Variants in RCE1 observed in about 807,000 individuals in gnomAD.
The protein encoded by RCE1 is Ras converting CAAX endopeptidase 1.
Under a neutral mutation model 35.0 loss-of-function variants are expected in RCE1, and 15 were observed. That is an observed-to-expected ratio of 0.43 (90% CI 0.29 to 0.66). The LOEUF (loss-of-function observed/expected upper bound fraction) is 0.66, where lower values mean the gene tolerates loss of function less well. Ranked by LOEUF, RCE1 falls within the 30% of genes least tolerant of loss-of-function variation. RCE1 has a pLI of 0.17. For missense variants in RCE1, 434 were observed against 433.0 expected (o/e 1.00, Z -0.02); for synonymous variants, 261 against 192.7 (o/e 1.35, Z -2.94).
In RCE1 at chr11:66,846,517, A is replaced by T. The variant is rs1945213459; in HGVS notation, c.*422A>T. The T allele has an allele frequency of 6.4e-6, 1 of 156,232 alleles. No individual in the cohort carries two copies. Among genetic ancestry groups the T allele is most frequent in the African/African-American group, 2.5e-5 (1 of 39,384 alleles). The allele number at this position is 156,232 out of a possible 1,614,324, so 9.7% of individuals were successfully genotyped here. A position where few individuals can be genotyped will look rare whatever the true frequency, so the allele number is the denominator to read the frequency against. On this transcript the variant is annotated 3_prime_UTR_variant, in exon 8 of 8. Coordinates refer to ENST00000309657, the MANE Select transcript of RCE1 (RefSeq NM_005133.3). The stretch of plus-strand genomic sequence containing the variant: ...TGTATTGGGATATTAAAGAGATTTA[A>T]CTTGGGTAACATGGCCTTGGGCCTT...
chr11:66,844,332 G>C lies in RCE1; in HGVS notation c.419G>C (p.Cys140Ser), dbSNP rs1262970523. The C allele has an allele frequency of 6.2e-7, 1 of 1,614,166 alleles. No homozygotes were observed. The highest frequency in any genetic ancestry group is 8.5e-7 in the Non-Finnish European group (1 of 1,180,024). The change falls in exon 4 of 8, where the codon TGT (cysteine) becomes TCT (serine). Residue 140 changes from cysteine to serine, a missense_variant. Cys to Ser is a moderately radical substitution (Grantham distance 112, BLOSUM62 -1). Coordinates refer to ENST00000309657, the MANE Select transcript of RCE1 (RefSeq NM_005133.3). ...PLMQLSMDCP[C>S]DLADGLKVVL... is the part of the protein sequence containing the mutation. ...ATGCAGCTCTCTATGGATTGCCCTT[G>C]TGACCTGGCAGATGGGCTGAAGGTT...
At position 66,844,860 on chromosome 11, in the gene RCE1, C is replaced by T; in HGVS notation, c.452-9C>T. On this transcript the variant is annotated splice_polypyrimidine_tract_variant and intron_variant, in intron 4 of 7. Transcript: ENST00000309657. ...GTCACTCACAGCTTGTCCTGAATTC[C>T]CTCTGCAGCCCCCCGCTCCTGGGCC... 3.3e-6 allele frequency: 5 copies of T among 1,520,416 alleles called. No individual in the cohort carries two copies. The highest frequency in any genetic ancestry group is 2.6e-5 in the South Asian group (2 of 75,494). 94.2% of individuals were successfully genotyped at this position (1,520,416 alleles called of 1,614,324 possible). A position where few individuals can be genotyped will look rare whatever the true frequency, so the allele number is the denominator to read the frequency against.
chr11:66,844,886 C>CT lies in RCE1; in HGVS notation c.469_470insT (p.Arg157LeufsTer58). 1.3e-6 allele frequency: 2 copies of CT among 1,549,768 alleles called. No homozygotes were observed. Among genetic ancestry groups the CT allele is most frequent in the Non-Finnish European group, 8.7e-7 (1 of 1,149,568 alleles). ...CTCTGCAGCCCCCCGCTCCTGGGCC[C>CT]GCTGCCTCACAGACATGCGTTGGCT... On this transcript the variant is annotated frameshift_variant, in exon 5 of 8. Coordinates refer to ENST00000309657, the MANE Select transcript of RCE1 (RefSeq NM_005133.3). LOFTEE classifies it high-confidence loss of function.
intron 6 of RCE1, 55 bp downstream of exon 6, chr11:66,845,292 C>T: frequency 6.2e-7 from 1 of 1,611,810 alleles, no homozygotes; most frequent in Admixed American, 1.7e-5. Context: ...CGCTAATGGC[C>T]ACTCTGGAGA....
At position 66,843,812 on chromosome 11, in the gene RCE1, G is replaced by T; in HGVS notation, c.239G>T (p.Ser80Ile). Reference sequence around the variant, plus strand: ...TTCACCAGCGTCCTGGTGGTGTCCAGTCTCTCACCCCTGTGCGTGCTGCTC... The same window carrying T: ...TTCACCAGCGTCCTGGTGGTGTCCATTCTCTCACCCCTGTGCGTGCTGCTC... ...RRFTSVLVVSSLSPLCVLLWR... is the reference protein window; with the variant it reads ...RRFTSVLVVSILSPLCVLLWR... The change falls in exon 2 of 8, where the codon AGT (serine) becomes ATT (isoleucine). Residue 80 changes from serine to isoleucine, a missense_variant. Physicochemically the swap from Ser to Ile is moderately radical, Grantham distance 142 (BLOSUM62 -2). Transcript: ENST00000309657. 5 of 1,614,070 alleles carry T rather than the reference G, an allele frequency of 3.1e-6. No individual in the cohort carries two copies. The highest frequency in any genetic ancestry group is 4.2e-6 in the Non-Finnish European group (5 of 1,180,028).
chr11:66,845,513 C>T lies in RCE1; in HGVS notation c.705C>T (p.Ser235=), dbSNP rs775191285. 2.5e-6 allele frequency: 4 copies of T among 1,614,080 alleles called. No individual in the cohort carries two copies. The highest frequency in any genetic ancestry group is 1.3e-5 in the African/African-American group (1 of 74,930). The change falls in exon 7 of 8, where the codon TCC becomes TCT. Residue 235 remains serine (S), a synonymous_variant. Coordinates refer to ENST00000309657, the MANE Select transcript of RCE1 (RefSeq NM_005133.3). ...NIFLSAAFQF[S]YTAVFGAYTA... The stretch of plus-strand genomic sequence containing the variant: ...CCCCGTCTCCAGCGTTCCAGTTCTC[C>T]TACACAGCTGTCTTCGGTGCCTACA...
In RCE1 at chr11:66,843,852, A is replaced by G. The variant is rs1344656187; in HGVS notation, c.279A>G (p.Thr93=). 8 of 1,613,918 alleles carry G rather than the reference A, an allele frequency of 5.0e-6. No homozygotes were observed. The Admixed American group carries it at 5.0e-5, about 10-fold the overall frequency. Residue 93 remains threonine, a synonymous_variant, in exon 2 of 8, where the codon ACA becomes ACG. Transcript: ENST00000309657. The part of the protein sequence containing the change: ...PLCVLLWREL[T]GIQPGTSLLT... Reference sequence around the variant, plus strand: ...GCGTGCTGCTCTGGAGGGAACTCACAGGCATCCAGGTGCGAAGGAGGCGGG... The same window carrying G: ...GCGTGCTGCTCTGGAGGGAACTCACGGGCATCCAGGTGCGAAGGAGGCGGG...
At position 66,846,346 on chromosome 11, in the gene RCE1, C is replaced by T. The variant is rs1945210103; in HGVS notation, c.*251C>T. 2 of 453,008 alleles carry T rather than the reference C, an allele frequency of 4.4e-6. No individual in the cohort carries two copies. Among genetic ancestry groups the T allele is most frequent in the Non-Finnish European group, 3.9e-6 (1 of 257,326 alleles). 28.1% of individuals were successfully genotyped at this position (453,008 alleles called of 1,614,324 possible). ...CAAGGGGCAGGTCCCAGGAGCCACA[C>T]ACTCCCTTCCTCACTTTGGACTGCT... On this transcript the variant is annotated 3_prime_UTR_variant, in exon 8 of 8. Coordinates refer to ENST00000309657, the MANE Select transcript of RCE1 (RefSeq NM_005133.3).
At chr11:66,844,756 G>A in intron 4 of RCE1, 113 bp from the exon 5 acceptor site, 1 of 1,391,398 alleles carries the variant, frequency 7.2e-7, no homozygotes, top group Non-Finnish European at 9.4e-7. Flanking sequence ...CAGTATTGAT[G>A]CCTAACCTGA....
At position 66,844,289 on chromosome 11, in the gene RCE1, C is replaced by A; in HGVS notation, c.376C>A (p.Leu126Ile). The change falls in exon 4 of 8, where the codon CTT becomes ATT. Residue 126 changes from leucine (L) to isoleucine (I), a missense_variant. Physicochemically the swap from Leu to Ile is conservative, Grantham distance 5 (BLOSUM62 2). Coordinates refer to ENST00000309657, the MANE Select transcript of RCE1 (RefSeq NM_005133.3). Reference protein sequence around the residue: ...ALLPLLLTMILFLGPLMQLSM... With the variant: ...ALLPLLLTMIIFLGPLMQLSM... Reference sequence around the variant, plus strand: ...GAAAGTGTTTTCTTGCCCTCAGATTCTTTTCCTGGGCCCACTGATGCAGCT... The same window carrying A: ...GAAAGTGTTTTCTTGCCCTCAGATTATTTTCCTGGGCCCACTGATGCAGCT... 1 of 1,614,180 alleles carries A rather than the reference C, an allele frequency of 6.2e-7. No individual in the cohort carries two copies. The highest frequency in any genetic ancestry group is 8.5e-7 in the Non-Finnish European group (1 of 1,180,026).
intron 3 of RCE1, 121 bp downstream of exon 3, chr11:66,844,160 G>A: frequency 6.3e-7 from 1 of 1,588,174 alleles, no homozygotes; most frequent in Non-Finnish European, 8.6e-7. Context: ...TGGCCCCAGG[G>A]TCCTCCGGTA....
In RCE1 at chr11:66,844,871, C is replaced by G; in HGVS notation, c.454C>G (p.Pro152Ala). Residue 152 changes from proline (P) to alanine (A), a missense_variant and splice_region_variant, in exon 5 of 8, where the codon CCC becomes GCC. Physicochemically the swap from Pro to Ala is conservative, Grantham distance 27. Transcript: ENST00000309657. ...LADGLKVVLAPRSWARCLTDM... is the reference protein window; with the variant it reads ...LADGLKVVLAARSWARCLTDM... ...CTTGTCCTGAATTCCCTCTGCAGCC[C>G]CCCGCTCCTGGGCCCGCTGCCTCAC... The G allele has an allele frequency of 6.5e-7, 1 of 1,532,756 alleles. No homozygotes were observed. Among genetic ancestry groups the G allele is most frequent in the Non-Finnish European group, 8.8e-7 (1 of 1,141,008 alleles). 94.9% of individuals were successfully genotyped at this position (1,532,756 alleles called of 1,614,324 possible).
rs1282997147 is a variant in RCE1, at chr11:66,846,407, CG to C, written c.*316del. On this transcript the variant is annotated 3_prime_UTR_variant, in exon 8 of 8. Coordinates refer to ENST00000309657, the MANE Select transcript of RCE1 (RefSeq NM_005133.3). ...GCTCCTCTGCCTCTGAAAAGCTGCT[CG>C]GGGTTTTTTATTTATAAAACCTCTC... The C allele has an allele frequency of 1.1e-5, 3 of 266,580 alleles. No individual in the cohort carries two copies. The Admixed American group carries it at 1.5e-4, about 13-fold the overall frequency. The allele number at this position is 266,580 out of a possible 1,614,324, so 16.5% of individuals were successfully genotyped here.
In RCE1 at chr11:66,846,042, C is replaced by CT; in HGVS notation, c.940dup (p.Cys314LeufsTer55). 1 of 1,613,732 alleles carries CT rather than the reference C, an allele frequency of 6.2e-7. No individual in the cohort carries two copies. ...CCCCAAGCTCTACGGCAGCCTTCCCCTTTGTGTGCTTTTGGAGCGGGCAGG... is the reference window on the plus strand; with the variant it reads ...CCCCAAGCTCTACGGCAGCCTTCCCCTTTTGTGTGCTTTTGGAGCGGGCAGG... On this transcript the variant is annotated frameshift_variant, in exon 8 of 8. Coordinates refer to ENST00000309657, the MANE Select transcript of RCE1 (RefSeq NM_005133.3). LOFTEE classifies it high-confidence loss of function.
Position 66,846,037 on chromosome 11 carries a change from T to C in RCE1, c.932T>C (p.Leu311Pro), listed in dbSNP as rs1591103156. The C allele has an allele frequency of 1.9e-6, 3 of 1,613,744 alleles. No homozygotes were observed. The highest frequency in any genetic ancestry group is 1.7e-6 in the Non-Finnish European group (2 of 1,179,996). Reference sequence around the variant, plus strand: ...ACGGACCCCAAGCTCTACGGCAGCCTTCCCCTTTGTGTGCTTTTGGAGCGG... The same window carrying C: ...ACGGACCCCAAGCTCTACGGCAGCCCTCCCCTTTGTGTGCTTTTGGAGCGG... ...PLTDPKLYGS[L>P]PLCVLLERAG... Residue 311 changes from leucine to proline, a missense_variant, in exon 8 of 8, where the codon CTT becomes CCT. By Grantham distance (98) the Leu-to-Pro change is moderately conservative. Coordinates refer to ENST00000309657, the MANE Select transcript of RCE1 (RefSeq NM_005133.3).
chr11:66,843,546 C>A lies in RCE1; in HGVS notation c.91C>A (p.Pro31Thr). ...PESAALGGLG[P>T]GLCCWVSVFS... Reference sequence around the variant, plus strand: ...GTCGGCGGCGCTGGGCGGCCTGGGCCCCGGGCTGTGCTGCTGGGTGTCAGT... The same window carrying A: ...GTCGGCGGCGCTGGGCGGCCTGGGCACCGGGCTGTGCTGCTGGGTGTCAGT... Residue 31 changes from proline (P) to threonine (T), a missense_variant, in exon 1 of 8, where the codon CCC becomes ACC. Pro to Thr is a conservative substitution (Grantham distance 38). Coordinates refer to ENST00000309657, the MANE Select transcript of RCE1 (RefSeq NM_005133.3). 1 of 1,554,406 alleles carries A rather than the reference C, an allele frequency of 6.4e-7. No homozygotes were observed. The highest frequency in any genetic ancestry group is 8.6e-7 in the Non-Finnish European group (1 of 1,158,996).
chr11:66,844,811 T>TG lies in RCE1; in HGVS notation c.452-54dup, dbSNP rs959715472. 8 of 1,491,490 alleles carry TG rather than the reference T, an allele frequency of 5.4e-6. No individual in the cohort carries two copies. In the East Asian group the frequency reaches 1.6e-4, roughly 30 times the overall value. 92.4% of individuals were successfully genotyped at this position (1,491,490 alleles called of 1,614,324 possible). A position where few individuals can be genotyped will look rare whatever the true frequency, so the allele number is the denominator to read the frequency against. ...GTGGGAGAGGAGCCCTTGGAGCCTC[T>TG]GGGGTCTCACTGTCTGACAGCCCGT... is the stretch of plus-strand genomic sequence containing the variant. On this transcript the variant is annotated intron_variant, in intron 4 of 7. Coordinates refer to ENST00000309657, the MANE Select transcript of RCE1 (RefSeq NM_005133.3).
At chr11:66,844,794 G>A (rs1056048214) in intron 4 of RCE1, 75 bp from the exon 5 acceptor site, 17 of 1,467,400 alleles carry the variant, frequency 1.2e-5, no homozygotes, top group African/African-American at 4.3e-5. Context: ...TTGTGGGAGA[G>A]GAGCCCTTGG....
chr11:66,844,811 TGG>T lies in RCE1; in HGVS notation c.452-55_452-54del, dbSNP rs959715472. The T allele has an allele frequency of 7.0e-5, 105 of 1,491,608 alleles. No homozygotes were observed. In the African/African-American group the frequency reaches 1.4e-3, roughly 19 times the overall value. The allele number at this position is 1,491,608 out of a possible 1,614,324, so 92.4% of individuals were successfully genotyped here. A position where few individuals can be genotyped will look rare whatever the true frequency, so the allele number is the denominator to read the frequency against. ...GTGGGAGAGGAGCCCTTGGAGCCTC[TGG>T]GGTCTCACTGTCTGACAGCCCGTCA... is the stretch of plus-strand genomic sequence containing the variant. On this transcript the variant is annotated intron_variant, in intron 4 of 7. Coordinates refer to ENST00000309657, the MANE Select transcript of RCE1 (RefSeq NM_005133.3).
Sources: gnomAD v4.1 joint callset for allele counts on GRCh38, gnomAD v4.1.1 for gene constraint, MANE v1.5 for transcripts, NCBI Gene and HGNC (gene_info 2026-07-23, HGNC 2026-07-21) for gene names.